The following GARIN2 variants were observed in gnomAD, a reference collection of about 807,000 sequenced individuals.
GARIN2 encodes Golgi-associated RAB2 interactor protein 2.
chr14:67,225,966 CGCGCGCGCGTGCGCAT>C, the GARIN2 span, among the ~76,000 whole-genome samples: 82 of 64,192 alleles, frequency 1.3e-3, no homozygotes, highest in African/African-American at 3.4e-3. Context: ...TGTGTGTGCG[CGCGCGCGCGTGCGCAT>C]GCGCGTGCAT....
chr14:67,204,617 G>A, the GARIN2 span: 14 of 1,613,720 alleles, frequency 8.7e-6, no homozygotes, highest in South Asian at 1.1e-5. Flanking sequence ...GTGAGTGGTC[G>A]AGCCTACTAC....
At chr14:67,196,223 C>CTTTTTTTTTTTTTT in the GARIN2 span, among the ~76,000 whole-genome samples, 4 of 143,132 alleles carry the variant, frequency 2.8e-5, no homozygotes, top group Admixed American at 7.0e-5. Context: ...TTCTTTCTTT[C>CTTTTTTTTTTTTTT]TTTTTTTTTT....
the GARIN2 span, among the ~76,000 whole-genome samples, chr14:67,216,199 G>T: frequency 6.6e-6 from 1 of 152,128 alleles, no homozygotes; most frequent in Admixed American, 6.5e-5. Flanking sequence ...ATTACATTAA[G>T]ATTTACTCCT....
At chr14:67,198,050 T>G in the GARIN2 span, 3 of 1,310,136 alleles carry the variant, frequency 2.3e-6, no homozygotes, top group Non-Finnish European at 3.1e-6. Flanking sequence ...ATTGATAAAA[T>G]TTGCTGAATT....
At chr14:67,193,172 A>ATATCTCTATATAGACATCTATC in the GARIN2 span, among the ~76,000 whole-genome samples, 11 of 140,818 alleles carry the variant, frequency 7.8e-5, no homozygotes, top group African/African-American at 2.9e-4. Flanking sequence ...AGACATCTAT[A>ATATCTCTATATAGACATCTATC]TATCTCTATA....
chr14:67,224,051 C>G, the GARIN2 span: 3 of 915,664 alleles, frequency 3.3e-6, no homozygotes, highest in Non-Finnish European at 3.9e-6. Flanking sequence ...TCACATTCAC[C>G]CAGCAATGCT....
At chr14:67,211,221 T>A in the GARIN2 span, among the ~76,000 whole-genome samples, 3 of 152,070 alleles carry the variant, frequency 2.0e-5, no homozygotes, top group African/African-American at 7.2e-5. Context: ...ATGGTAACTG[T>A]TCAAAATACA....
the GARIN2 span, among the ~76,000 whole-genome samples, chr14:67,191,242 A>C: frequency 6.6e-6 from 1 of 152,248 alleles, no homozygotes; most frequent in Non-Finnish European, 1.5e-5. Flanking sequence ...TCAAAAAAAA[A>C]CAGCCATCAT....
At chr14:67,208,713 T>A in the GARIN2 span, among the ~76,000 whole-genome samples, 1 of 152,118 alleles carries the variant, frequency 6.6e-6, no homozygotes, top group Non-Finnish European at 1.5e-5. Context: ...CTGGCCAAGA[T>A]GGTGAAACCC....
chr14:67,212,407 G>A, the GARIN2 span, among the ~76,000 whole-genome samples: 157 of 151,520 alleles, frequency 1.0e-3, no homozygotes, highest in African/African-American at 3.6e-3. Flanking sequence ...GGGCAACATT[G>A]CAAAACCCTG....
the GARIN2 span, among the ~76,000 whole-genome samples, chr14:67,202,727 G>T: frequency 6.6e-6 from 1 of 152,150 alleles, no homozygotes; most frequent in African/African-American, 2.4e-5. Flanking sequence ...GTAAATGTGT[G>T]TACCTCCCAA....
chr14:67,217,644 T>C, the GARIN2 span, among the ~76,000 whole-genome samples: 2 of 152,200 alleles, frequency 1.3e-5, no homozygotes, highest in South Asian at 2.1e-4. Context: ...CATTTCTATA[T>C]ATAAGTCCCT....
At chr14:67,221,054 G>C in the GARIN2 span, among the ~76,000 whole-genome samples, 1 of 152,106 alleles carries the variant, frequency 6.6e-6, no homozygotes, top group Non-Finnish European at 1.5e-5. Context: ...TGTGACTTAA[G>C]TTTATGTTTT....
chr14:67,199,765 A>G, the GARIN2 span: 1 of 1,539,728 alleles, frequency 6.5e-7, no homozygotes, highest in Non-Finnish European at 8.8e-7. Flanking sequence ...TTCCTCCACC[A>G]GGCATGCCTC....
At chr14:67,222,850 A>G in the GARIN2 span, among the ~76,000 whole-genome samples, 2 of 152,196 alleles carry the variant, frequency 1.3e-5, no homozygotes, top group African/African-American at 4.8e-5. Flanking sequence ...GCATAAGTGA[A>G]GAGAAAAAAA....
the GARIN2 span, chr14:67,221,769 A>T: frequency 6.2e-7 from 1 of 1,613,042 alleles, no homozygotes. Context: ...TGTGCTATTT[A>T]TTTTTACAGG....
At chr14:67,192,986 CTCTA>C in the GARIN2 span, among the ~76,000 whole-genome samples, 1 of 144,450 alleles carries the variant, frequency 6.9e-6, no homozygotes, top group Non-Finnish European at 1.5e-5. Flanking sequence ...ATATAGATCT[CTCTA>C]TATATCTCTA....
At chr14:67,215,178 TCTC>T in the GARIN2 span, among the ~76,000 whole-genome samples, 2 of 152,132 alleles carry the variant, frequency 1.3e-5, no homozygotes, top group African/African-American at 4.8e-5. Flanking sequence ...CATAATGGCT[TCTC>T]CTGAAGCCCT....
At chr14:67,206,498 A>AAAAC in the GARIN2 span, among the ~76,000 whole-genome samples, 5 of 152,164 alleles carry the variant, frequency 3.3e-5, no homozygotes, top group Non-Finnish European at 7.3e-5. Flanking sequence ...CCTGTCTCAA[A>AAAAC]AAACAAACAA....
Sources: gnomAD v4.1 joint callset for allele counts (sites outside exome capture counted in the v4.1 genomes callset) on GRCh38, gnomAD v4.1.1 for gene constraint, MANE v1.5 for transcripts, NCBI Gene and HGNC (gene_info 2026-07-23, HGNC 2026-07-21) for gene names.